KCNH8: variants seen among roughly 807,000 people sequenced by gnomAD.
The protein encoded by KCNH8 is voltage-gated delayed rectifier potassium channel KCNH8.
KCNH8 carries 70 observed loss-of-function variants against 103.6 expected under a neutral mutation model. The observed-to-expected ratio is 0.68, with a 90% confidence interval of 0.56 to 0.82. The LOEUF (loss-of-function observed/expected upper bound fraction) is 0.82, where lower values mean the gene tolerates loss of function less well. Among genes scored for constraint, KCNH8 ranks in the 40% least tolerant of loss-of-function variants. KCNH8 has a pLI of 0.00. For missense variants in KCNH8, 1,217 were observed against 1,329.9 expected (o/e 0.92, Z 1.32); for synonymous variants, 498 against 489.4 (o/e 1.02, Z -0.23).
At chr3:19,386,022 TAAAGA>T (rs1165444442) in intron 5 of KCNH8, among the ~76,000 whole-genome samples, 1 of 152,160 alleles carries the variant, frequency 6.6e-6, no homozygotes, top group Non-Finnish European at 1.5e-5. Flanking sequence ...TGGATGCTAA[TAAAGA>T]AAAGAAATCT....
At chr3:19,386,044 T>C (rs541495987) in intron 5 of KCNH8, among the ~76,000 whole-genome samples, 1 of 152,128 alleles carries the variant, frequency 6.6e-6, no homozygotes, top group South Asian at 2.1e-4. Flanking sequence ...ATCTACTAAT[T>C]TTTGCCATAT....
At chr3:19,437,173 A>G (rs2067211576) in intron 7 of KCNH8, among the ~76,000 whole-genome samples, 1 of 152,174 alleles carries the variant, frequency 6.6e-6, no homozygotes. Flanking sequence ...AGTAGTTAGT[A>G]TCCATTACAA....
At chr3:19,161,003 TA>T in intron 1 of KCNH8, among the ~76,000 whole-genome samples, 1 of 151,940 alleles carries the variant, frequency 6.6e-6, no homozygotes, top group Non-Finnish European at 1.5e-5. Flanking sequence ...TTCCTTTAAG[TA>T]AAAGAGTGAG....
intron 1 of KCNH8, among the ~76,000 whole-genome samples, chr3:19,170,613 TACACAC>T (rs1553620054): frequency 2.1e-5 from 3 of 143,192 alleles, no homozygotes; most frequent in African/African-American, 5.4e-5. Context: ...TATATATGTA[TACACAC>T]ACATATATAT....
intron 1 of KCNH8, among the ~76,000 whole-genome samples, chr3:19,190,544 C>T (rs924307345): frequency 6.6e-6 from 1 of 151,898 alleles, no homozygotes; most frequent in Non-Finnish European, 1.5e-5. Context: ...AACCTGGCTG[C>T]TTTGACGGAA....
chr3:19,497,999 C>A (rs1178519140), intron 11 of KCNH8, among the ~76,000 whole-genome samples: 1 of 152,170 alleles, frequency 6.6e-6, no homozygotes, highest in Non-Finnish European at 1.5e-5. Context: ...TAATGTCCTA[C>A]TCTATCTTTT....
At chr3:19,205,960 C>T (rs1392612679) in intron 1 of KCNH8, among the ~76,000 whole-genome samples, 1 of 151,684 alleles carries the variant, frequency 6.6e-6, no homozygotes, top group East Asian at 1.9e-4. Context: ...ATCTCTCACG[C>T]CCTTTCCACC....
At chr3:19,191,382 T>C (rs2063552022) in intron 1 of KCNH8, among the ~76,000 whole-genome samples, 1 of 151,684 alleles carries the variant, frequency 6.6e-6, no homozygotes, top group South Asian at 2.1e-4. Context: ...AGTGATGTCA[T>C]GTTGTTATGA....
chr3:19,500,023 G>A (rs1323282629), intron 11 of KCNH8, among the ~76,000 whole-genome samples: 1 of 152,156 alleles, frequency 6.6e-6, no homozygotes, highest in Non-Finnish European at 1.5e-5. Context: ...AGACCCATCA[G>A]TGTGCTGTAT....
In KCNH8 at chr3:19,195,055, A is replaced by T. The variant is rs192213803; in HGVS notation, c.76+46260A>T. Reference sequence around the variant, plus strand: ...AGAAAAAAATGATTAATAAGACATGATATGTTTTAGGGGAGAATACCAATA... The same window carrying T: ...AGAAAAAAATGATTAATAAGACATGTTATGTTTTAGGGGAGAATACCAATA... On this transcript the variant is annotated intron_variant, in intron 1 of 15. Transcript: ENST00000328405. Among the ~76,000 whole-genome samples, 10 of 151,764 alleles carry T rather than the reference A, an allele frequency of 6.6e-5. No individual in the cohort carries two copies. In the East Asian group the frequency reaches 1.5e-3, roughly 24 times the overall value.
At chr3:19,342,929 A>C (rs1021853811) in intron 4 of KCNH8, among the ~76,000 whole-genome samples, 1 of 152,122 alleles carries the variant, frequency 6.6e-6, no homozygotes, top group Non-Finnish European at 1.5e-5. Context: ...TTATCACAGC[A>C]TAGAGATTAG....
intron 3 of KCNH8, among the ~76,000 whole-genome samples, chr3:19,308,290 A>T (rs1490389193): frequency 1.3e-5 from 1 of 77,786 alleles, no homozygotes; most frequent in African/African-American, 6.1e-5. Context: ...TTCCCTCATT[A>T]AAAAAAAAAA....
At chr3:19,495,041 G>C (rs2068409339) in intron 11 of KCNH8, among the ~76,000 whole-genome samples, 1 of 151,894 alleles carries the variant, frequency 6.6e-6, no homozygotes, top group Non-Finnish European at 1.5e-5. Context: ...CTTTTTTATG[G>C]GGTTGTTTCG....
At chr3:19,230,472 T>C (rs1453178276) in intron 1 of KCNH8, among the ~76,000 whole-genome samples, 1 of 152,154 alleles carries the variant, frequency 6.6e-6, no homozygotes, top group African/African-American at 2.4e-5. Flanking sequence ...CCAGATAGCA[T>C]AAATACCAGA....
chr3:19,362,942 G>A (rs2065965944), intron 5 of KCNH8, among the ~76,000 whole-genome samples: 1 of 152,114 alleles, frequency 6.6e-6, no homozygotes, highest in Admixed American at 6.6e-5. Flanking sequence ...ATGAGCCACT[G>A]TGCCCAGCCT....
At chr3:19,435,119 G>A (rs934014078) in intron 7 of KCNH8, among the ~76,000 whole-genome samples, 5 of 151,944 alleles carry the variant, frequency 3.3e-5, no homozygotes, top group African/African-American at 1.2e-4. Flanking sequence ...ATTTCATAAC[G>A]TATATGTATA....
intron 11 of KCNH8, among the ~76,000 whole-genome samples, chr3:19,468,208 G>T (rs1389759516): frequency 6.6e-6 from 1 of 152,004 alleles, no homozygotes. Flanking sequence ...CCTTTGTCTT[G>T]TTCTATACTA....
intron 3 of KCNH8, among the ~76,000 whole-genome samples, chr3:19,341,615 T>A (rs2065660738): frequency 6.6e-6 from 1 of 152,064 alleles, no homozygotes; most frequent in African/African-American, 2.4e-5. Context: ...CTATTGCAAA[T>A]AAATTTAAAA....
chr3:19,416,715 A>G lies in KCNH8; in HGVS notation c.1177+21404A>G, dbSNP rs79052173. Among the ~76,000 whole-genome samples, 769 of 152,284 alleles carry G rather than the reference A, an allele frequency of 5.0e-3. 11 individuals carry two copies. The highest frequency in any genetic ancestry group is 0.017 in the African/African-American group (703 of 41,556). The stretch of plus-strand genomic sequence containing the variant: ...GTCTTTGCTTCTCTCAATGACACCA[A>G]TATTATCACCTGCCCTGGGATCAAA... On this transcript the variant is annotated intron_variant, in intron 7 of 15. Transcript: ENST00000328405.
Sources: allele counts gnomAD v4.1 joint callset (sites outside exome capture counted in the v4.1 genomes callset), GRCh38; gene constraint gnomAD v4.1.1; transcripts MANE v1.5; gene names NCBI Gene and HGNC (gene_info 2026-07-23, HGNC 2026-07-21).